KCNN2: variants seen among roughly 807,000 people sequenced by gnomAD.
KCNN2 encodes small conductance calcium-activated potassium channel protein 2.
In KCNN2, 24 loss-of-function variants were observed where a neutral mutation model predicts 55.5. The ratio of observed to expected loss-of-function variants is 0.43; its 90% CI spans 0.31 to 0.61. KCNN2 has a LOEUF of 0.61. Ranked by LOEUF, KCNN2 falls within the 20% of genes least tolerant of loss-of-function variation. The pLI, the probability that KCNN2 is intolerant of heterozygous loss-of-function variation, is 0.08. For synonymous variants in KCNN2, 431 were observed against 336.1 expected (o/e 1.28, Z -3.09); for missense variants, 754 against 853.6 (o/e 0.88, Z 1.45).
At chr5:114,327,577 C>T (rs186392449) in intron 2 of KCNN2, among the ~76,000 whole-genome samples, 12 of 152,204 alleles carry the variant, frequency 7.9e-5, no homozygotes, top group Non-Finnish European at 1.3e-4. Context: ...TTGAGTAGGA[C>T]GCAGAAGGTT....
chr5:114,272,452 G>T (rs1417764598), intron 2 of KCNN2, among the ~76,000 whole-genome samples: 5 of 12,042 alleles, frequency 4.2e-4, no homozygotes, highest in Non-Finnish European at 2.7e-3. Context: ...ACACACATAT[G>T]TATGTACATA....
intron 1 of KCNN2, among the ~76,000 whole-genome samples, chr5:114,091,831 C>G (rs989890520): frequency 3.9e-5 from 6 of 152,142 alleles, no homozygotes; most frequent in East Asian, 3.9e-4. Context: ...ATGTGGAAAA[C>G]TGCTTCCGTG....
chr5:114,305,714 G>A (rs73779787), intron 2 of KCNN2, among the ~76,000 whole-genome samples: 7,095 of 152,128 alleles, frequency 0.047, 574 homozygotes, highest in African/African-American at 0.16. Context: ...TGCACAGTAG[G>A]AACAAAAAGA....
chr5:114,121,822 C>T (rs1195804992), intron 1 of KCNN2, among the ~76,000 whole-genome samples: 7 of 152,212 alleles, frequency 4.6e-5, no homozygotes. Context: ...CATGGAAACA[C>T]TCCTTTTACC....
intron 1 of KCNN2, among the ~76,000 whole-genome samples, chr5:114,204,407 C>G (rs1372245841): frequency 6.6e-6 from 1 of 152,156 alleles, no homozygotes; most frequent in Non-Finnish European, 1.5e-5. Context: ...AAATAAATTT[C>G]TCATTTTGCG....
At chr5:114,056,151 G>A (rs1308133349) in exon 1 of KCNN2, 2 of 387,920 alleles carry the variant, frequency 5.2e-6, no homozygotes, top group East Asian at 3.6e-5. Flanking sequence ...GGAGCTGGGC[G>A]CCCAAAAGTT....
At chr5:114,256,643 C>G (rs1478092686) in intron 2 of KCNN2, among the ~76,000 whole-genome samples, 1 of 151,974 alleles carries the variant, frequency 6.6e-6, no homozygotes, top group African/African-American at 2.4e-5. Flanking sequence ...GGCATTTTTT[C>G]ATATGATTTT....
At chr5:114,094,131 C>A (rs928800008) in intron 1 of KCNN2, among the ~76,000 whole-genome samples, 1 of 151,972 alleles carries the variant, frequency 6.6e-6, no homozygotes, top group African/African-American at 2.4e-5. Context: ...TATGGGTGAC[C>A]TTGTTTTTGT....
intron 2 of KCNN2, among the ~76,000 whole-genome samples, chr5:114,229,108 T>C (rs1275206380): frequency 6.6e-6 from 1 of 151,878 alleles, no homozygotes; most frequent in Non-Finnish European, 1.5e-5. Context: ...TACTAAAAAT[T>C]AAAACAAATT....
chr5:114,246,560 C>A (rs1369878694), intron 2 of KCNN2, among the ~76,000 whole-genome samples: 1 of 151,932 alleles, frequency 6.6e-6, no homozygotes, highest in South Asian at 2.1e-4. Context: ...ATTGACATTA[C>A]CATTATATAA....
intron 1 of KCNN2, among the ~76,000 whole-genome samples, chr5:114,132,423 C>T (rs1458921209): frequency 3.3e-5 from 5 of 152,102 alleles, no homozygotes; most frequent in Non-Finnish European, 7.4e-5. Context: ...CTGGGTTTGT[C>T]GAAGATCAGA....
chr5:114,068,142 A>G (rs1016562428), intron 1 of KCNN2, among the ~76,000 whole-genome samples: 7 of 152,226 alleles, frequency 4.6e-5, no homozygotes, highest in East Asian at 1.9e-4. Context: ...GTAGTTTACA[A>G]GTTTAAGTGA....
At position 114,400,256 on chromosome 5, in the gene KCNN2, A is replaced by G. The variant is rs953395897; in HGVS notation, c.1219-4182A>G. 3.3e-5 allele frequency among the ~76,000 whole-genome samples: 5 copies of G among 152,198 alleles called. No homozygotes were observed. The South Asian group carries it at 6.2e-4, about 19-fold the overall frequency. On this transcript the variant is annotated intron_variant, in intron 2 of 7. Transcript: ENST00000673685. Reference sequence around the variant, plus strand: ...CTTTTTCACATGGGCATTTAGTGCTATAAACTTTTCTCTTAACACTGCTTT... The same window carrying G: ...CTTTTTCACATGGGCATTTAGTGCTGTAAACTTTTCTCTTAACACTGCTTT...
intron 3 of KCNN2, among the ~76,000 whole-genome samples, chr5:114,430,535 T>TGGACAA (rs1759759154): frequency 6.6e-6 from 1 of 152,108 alleles, no homozygotes; most frequent in South Asian, 2.1e-4. Flanking sequence ...GAGAAAATTG[T>TGGACAA]TTATCTGTGA....
intron 1 of KCNN2, among the ~76,000 whole-genome samples, chr5:114,110,235 C>T (rs1442209874): frequency 1.3e-5 from 2 of 152,108 alleles, no homozygotes; most frequent in South Asian, 2.1e-4. Flanking sequence ...AGACAGGTAA[C>T]AAGCCAATAC....
chr5:114,246,172 ATAAG>A (rs1754745319), intron 2 of KCNN2, among the ~76,000 whole-genome samples: 3 of 152,194 alleles, frequency 2.0e-5, no homozygotes, highest in African/African-American at 7.2e-5. Flanking sequence ...TGATAAATAC[ATAAG>A]TACTTGTTGT....
intron 1 of KCNN2, among the ~76,000 whole-genome samples, chr5:114,363,682 C>T (rs1049712605): frequency 3.0e-4 from 45 of 152,138 alleles, no homozygotes; most frequent in African/African-American, 1.1e-3. Context: ...ACCCAGCAGC[C>T]CAGCCACGCG....
At chr5:114,469,373 C>T (rs547749643) in intron 4 of KCNN2, among the ~76,000 whole-genome samples, 1 of 152,250 alleles carries the variant, frequency 6.6e-6, no homozygotes, top group South Asian at 2.1e-4. Flanking sequence ...TTCCTAAATA[C>T]ACTGTATTTT....
intron 2 of KCNN2, among the ~76,000 whole-genome samples, chr5:114,326,412 A>G (rs144555021): frequency 1.4e-3 from 219 of 152,260 alleles, no homozygotes; most frequent in African/African-American, 4.8e-3. Context: ...GTAGTAAGTG[A>G]TGGAGCTTCT....
Sources: gnomAD v4.1 joint callset for allele counts (sites outside exome capture counted in the v4.1 genomes callset) on GRCh38, gnomAD v4.1.1 for gene constraint, MANE v1.5 for transcripts, NCBI Gene and HGNC (gene_info 2026-07-23, HGNC 2026-07-21) for gene names.